Variants in ELAVL4 observed in about 807,000 individuals in gnomAD.
ELAVL4 encodes ELAV-like protein 4.
Under a neutral mutation model 35.6 loss-of-function variants are expected in ELAVL4, and 1 was observed. The ratio of observed to expected loss-of-function variants is 0.03; its 90% CI spans 0.01 to 0.13. The LOEUF (loss-of-function observed/expected upper bound fraction) is 0.13, where lower values mean the gene tolerates loss of function less well. Among genes scored for constraint, ELAVL4 ranks in the 10% least tolerant of loss-of-function variants. ELAVL4 has a pLI of 1.00. For synonymous variants in ELAVL4, 156 were observed against 171.0 expected, an observed-to-expected ratio of 0.91 and a Z score of 0.69; for missense variants, 267 against 464.9, an observed-to-expected ratio of 0.57 and a Z score of 3.91.
In ELAVL4 at chr1:50,188,119, G is replaced by C. The variant is rs574922481; in HGVS notation, c.355-5646G>C. 1.4e-4 allele frequency among the ~76,000 whole-genome samples: 22 copies of C among 152,182 alleles called. No homozygotes were observed. The South Asian group carries it at 4.4e-3, about 30-fold the overall frequency. ...CAAAAAAAAAAATTAATCATGGCCA[G>C]CAATAGTGTAGGATGCCTCATGAGG... On this transcript the variant is annotated intron_variant, in intron 3 of 6. Coordinates refer to ENST00000371824, the MANE Select transcript of ELAVL4 (RefSeq NM_001144774.3).
intron 1 of ELAVL4, among the ~76,000 whole-genome samples, chr1:50,081,116 A>T (rs1664987357): frequency 6.6e-6 from 1 of 152,200 alleles, no homozygotes; most frequent in Non-Finnish European, 1.5e-5. Flanking sequence ...GAGGTGCCAA[A>T]ATAGCCCAAA....
chr1:50,091,316 A>G (rs1205302817), intron 1 of ELAVL4, among the ~76,000 whole-genome samples: 1 of 152,182 alleles, frequency 6.6e-6, no homozygotes, highest in Non-Finnish European at 1.5e-5. Context: ...GCAGCGTCTT[A>G]CTAAAATGCT....
At chr1:50,111,180 T>C (rs1667011661) in intron 1 of ELAVL4, among the ~76,000 whole-genome samples, 1 of 151,792 alleles carries the variant, frequency 6.6e-6, no homozygotes, top group Non-Finnish European at 1.5e-5. Flanking sequence ...GTTGTTGTTG[T>C]TGTTGTTTAA....
intron 1 of ELAVL4, among the ~76,000 whole-genome samples, chr1:50,067,375 C>A (rs563052204): frequency 6.6e-6 from 1 of 152,104 alleles, no homozygotes; most frequent in African/African-American, 2.4e-5. Context: ...GTATTTATTC[C>A]ATTTAACAGG....
chr1:50,105,397 A>T (rs1666219629), upstream of ELAVL4, among the ~76,000 whole-genome samples: 1 of 152,188 alleles, frequency 6.6e-6, no homozygotes. Flanking sequence ...AGTTCTTATT[A>T]GAATTTGTGG....
At chr1:50,130,842 G>A (rs1572315361) in intron 1 of ELAVL4, among the ~76,000 whole-genome samples, 1 of 152,054 alleles carries the variant, frequency 6.6e-6, no homozygotes, top group Admixed American at 6.6e-5. Context: ...TGGGGGAGGG[G>A]CTGCTCCAAT....
chr1:50,108,829 T>C (rs1666590033), upstream of ELAVL4: 1 of 825,514 alleles, frequency 1.2e-6, no homozygotes. Context: ...GCACCTGATG[T>C]TGCAACGCCT....
chr1:50,150,956 C>G (rs1184177478), intron 2 of ELAVL4, among the ~76,000 whole-genome samples: 6 of 152,180 alleles, frequency 3.9e-5, no homozygotes, highest in Non-Finnish European at 8.8e-5. Context: ...AATAATAAAT[C>G]AAGCTATCTT....
At chr1:50,056,689 C>T (rs1663690950) in intron 1 of ELAVL4, among the ~76,000 whole-genome samples, 1 of 152,210 alleles carries the variant, frequency 6.6e-6, no homozygotes, top group African/African-American at 2.4e-5. Flanking sequence ...GTAATCCCAG[C>T]ACATTGGGAG....
intron 1 of ELAVL4, among the ~76,000 whole-genome samples, chr1:50,052,199 A>G (rs1046475709): frequency 6.6e-6 from 1 of 152,238 alleles, no homozygotes; most frequent in Admixed American, 6.5e-5. Context: ...AAAATAATTC[A>G]GCATGCAGAA....
intron 2 of ELAVL4, among the ~76,000 whole-genome samples, chr1:50,165,427 G>GAT (rs145697099): frequency 0.15 from 22,403 of 146,960 alleles, 2,115 homozygotes; most frequent in East Asian, 0.35. Flanking sequence ...ACTAACAGGA[G>GAT]ATATATATAT....
chr1:50,101,403 T>A (rs944084352), upstream of ELAVL4, among the ~76,000 whole-genome samples: 2 of 152,230 alleles, frequency 1.3e-5, no homozygotes, highest in African/African-American at 4.8e-5. Context: ...TACAGCCTGA[T>A]TATAATAATA....
At chr1:50,157,073 C>T (rs1355316974) in intron 2 of ELAVL4, among the ~76,000 whole-genome samples, 4 of 152,170 alleles carry the variant, frequency 2.6e-5, no homozygotes, top group Non-Finnish European at 5.9e-5. Context: ...AAGAAGTCAT[C>T]ATAAATCCAA....
chr1:50,109,015 T>TCGGGGGGGGGCC lies in ELAVL4; in HGVS notation c.-174_-173insGGGGGGGGGCCC. On this transcript the variant is annotated 5_prime_UTR_variant, in exon 1 of 7. Transcript: ENST00000371824. ...GCTCCTTTTCTTTTTTTTCTTTCTC[T>TCGGGGGGGGGCC]CCCCCGCCCACCCCCCCAAAAATAA... 2 of 961,034 alleles carry TCGGGGGGGGGCC rather than the reference T, an allele frequency of 2.1e-6. No individual in the cohort carries two copies. Among genetic ancestry groups the TCGGGGGGGGGCC allele is most frequent in the Non-Finnish European group, 2.4e-6 (2 of 816,918 alleles). 59.5% of individuals were successfully genotyped at this position (961,034 alleles called of 1,614,324 possible).
intron 1 of ELAVL4, among the ~76,000 whole-genome samples, chr1:50,090,867 C>T (rs1665462800): frequency 6.6e-6 from 1 of 152,200 alleles, no homozygotes; most frequent in African/African-American, 2.4e-5. Flanking sequence ...GGAAATAGGA[C>T]TGGGTGGACA....
intron 3 of ELAVL4, chr1:50,181,261 T>C (rs1680977500): frequency 6.6e-6 from 1 of 152,252 alleles, no homozygotes. Flanking sequence ...TGGGTTATAC[T>C]CTCTGGCATG....
intron 2 of ELAVL4, among the ~76,000 whole-genome samples, chr1:50,162,059 T>C (rs1335599254): frequency 1.3e-5 from 2 of 152,226 alleles, no homozygotes; most frequent in African/African-American, 4.8e-5. Flanking sequence ...ATTAAAGGCC[T>C]GTATGGGCTT....
At chr1:50,154,146 T>G (rs780571117) in intron 2 of ELAVL4, among the ~76,000 whole-genome samples, 1 of 152,218 alleles carries the variant, frequency 6.6e-6, no homozygotes, top group Non-Finnish European at 1.5e-5. Flanking sequence ...GTGAAATATC[T>G]GAAGCTCAGA....
chr1:50,120,060 AATATAT>A lies in ELAVL4; in HGVS notation c.9+10876_9+10881del, dbSNP rs112021692. Among the ~76,000 whole-genome samples the A allele has an allele frequency of 2.0e-5, 3 of 147,094 alleles. No homozygotes were observed. The South Asian group carries it at 6.5e-4, about 32-fold the overall frequency. On this transcript the variant is annotated intron_variant, in intron 1 of 6. Coordinates refer to ENST00000371824, the MANE Select transcript of ELAVL4 (RefSeq NM_001144774.3). ...CAAATTTTTCGTTGGAGAATCAACA[AATATAT>A]ATATATATATATAGCATGTCTGTTG...
Sources: allele counts gnomAD v4.1 joint callset (sites outside exome capture counted in the v4.1 genomes callset), GRCh38; gene constraint gnomAD v4.1.1; transcripts MANE v1.5; gene names NCBI Gene and HGNC (gene_info 2026-07-23, HGNC 2026-07-21).